NLRP11: variants seen among roughly 807,000 people sequenced by gnomAD.
The protein encoded by NLRP11 is NACHT, LRR and PYD domains-containing protein 11.
NLRP11 carries 53 observed loss-of-function variants against 79.3 expected under a neutral mutation model. The ratio of observed to expected loss-of-function variants is 0.67; its 90% CI spans 0.54 to 0.84. NLRP11 has a LOEUF of 0.84. NLRP11 is among the 40% of genes least tolerant of loss of function. The pLI, the probability that NLRP11 is intolerant of heterozygous loss-of-function variation, is 0.00. For synonymous variants in NLRP11, 518 were observed against 462.6 expected, an observed-to-expected ratio of 1.12 and a Z score of -1.54; for missense variants, 1,264 against 1,255.0, an observed-to-expected ratio of 1.01 and a Z score of -0.11.
At chr19:55,790,594 A>G (rs1990177122) in intron 7 of NLRP11, among the ~76,000 whole-genome samples, 1 of 152,202 alleles carries the variant, frequency 6.6e-6, no homozygotes, top group Non-Finnish European at 1.5e-5. Context: ...CACTTAACAT[A>G]TATTCTTTGT....
At chr19:55,805,555 C>T (rs1017657821) in intron 4 of NLRP11, among the ~76,000 whole-genome samples, 2 of 150,456 alleles carry the variant, frequency 1.3e-5, no homozygotes, top group Non-Finnish European at 3.0e-5. Flanking sequence ...TTTTTAAATA[C>T]ACACAATGGA....
rs1981324107 is a variant in NLRP11, at chr19:55,818,088, A to C, written c.87T>G (p.Tyr29Ter). The stretch of plus-strand genomic sequence containing the variant: ...TGAAATCAAGAATCTTGCGTGCCAG[A>C]TACTTCTTAAAACTCTGAAATTCCT... Residue 29 changes from tyrosine to a stop codon, truncating the protein, a stop_gained, in exon 2 of 10, where the codon TAT becomes TAG. Transcript: ENST00000589093. LOFTEE classifies it high-confidence loss of function. The C allele has an allele frequency of 1.2e-6, 2 of 1,614,002 alleles. No individual in the cohort carries two copies. The highest frequency in any genetic ancestry group is 2.7e-5 in the African/African-American group (2 of 74,934).
upstream of NLRP11, chr19:55,832,217 G>T (rs1363813227): frequency 6.6e-6 from 1 of 152,220 alleles, no homozygotes; most frequent in African/African-American, 2.4e-5. Context: ...CCCCGTTTAT[G>T]ATGTTGGAGC....
At chr19:55,794,991 G>A (rs931848498) in intron 6 of NLRP11, among the ~76,000 whole-genome samples, 3 of 152,130 alleles carry the variant, frequency 2.0e-5, no homozygotes, top group Non-Finnish European at 4.4e-5. Context: ...ATGACCTACT[G>A]CATTCTTTTG....
chr19:55,789,001 G>A, intron 8 of NLRP11, 24 bp from the exon 9 acceptor site: 1 of 1,612,848 alleles, frequency 6.2e-7, no homozygotes, highest in Non-Finnish European at 8.5e-7. Context: ...GCACAGGTAA[G>A]GTGGGGCCAA....
intron 1 of NLRP11, among the ~76,000 whole-genome samples, chr19:55,823,168 G>T (rs558717524): frequency 7.5e-5 from 11 of 145,854 alleles, no homozygotes; most frequent in South Asian, 2.2e-4. Flanking sequence ...CACCTCACAC[G>T]GCAGGGTATT....
At chr19:55,821,205 T>A (rs2086096) in intron 1 of NLRP11, among the ~76,000 whole-genome samples, 34,395 of 83,374 alleles carry the variant, frequency 0.41, 5,166 homozygotes, top group East Asian at 0.54. Flanking sequence ...TCTCTCTCTC[T>A]CACACACACA....
At chr19:55,794,862 A>T (rs1480043614) in intron 6 of NLRP11, among the ~76,000 whole-genome samples, 2 of 151,940 alleles carry the variant, frequency 1.3e-5, no homozygotes, top group Non-Finnish European at 2.9e-5. Flanking sequence ...TTTACAGAAA[A>T]TATAAAGAAT....
chr19:55,796,523 C>T (rs765527827), intron 5 of NLRP11, among the ~76,000 whole-genome samples: 3 of 152,038 alleles, frequency 2.0e-5, no homozygotes, highest in Non-Finnish European at 4.4e-5. Flanking sequence ...TGGTTCAGAA[C>T]GGTAAGTCAG....
rs189104925 is a variant in NLRP11 at position 55,817,401 on chromosome 19, A to C, written c.271+503T>G. On this transcript the variant is annotated intron_variant, in intron 2 of 9. Transcript: ENST00000589093. The stretch of plus-strand genomic sequence containing the variant: ...TTATAGTGGCACAATTCGCAATTGC[A>C]AAAATATGGAACCAGCCCAAATGCC... Among the ~76,000 whole-genome samples, 36 of 152,300 alleles carry C rather than the reference A, an allele frequency of 2.4e-4. No homozygotes were observed. In the East Asian group the frequency reaches 6.9e-3, roughly 29 times the overall value.
chr19:55,816,902 C>T (rs1981173274), intron 2 of NLRP11, among the ~76,000 whole-genome samples: 1 of 152,160 alleles, frequency 6.6e-6, no homozygotes. Flanking sequence ...TATCCCTGGT[C>T]CTCATGTGAT....
chr19:55,792,054 G>A (rs542389905), intron 7 of NLRP11, among the ~76,000 whole-genome samples: 1 of 152,196 alleles, frequency 6.6e-6, no homozygotes, highest in African/African-American at 2.4e-5. Flanking sequence ...GGAGGGGTCC[G>A]GCCCAGGCAC....
chr19:55,810,105 T>A, exon 3 of NLRP11: 1 of 1,614,156 alleles, frequency 6.2e-7, no homozygotes, highest in Non-Finnish European at 8.5e-7. Context: ...TTGATCCACC[T>A]CAACACAGCC....
In NLRP11 at chr19:55,785,821, A is replaced by G. The variant is rs748337702; in HGVS notation, c.2906T>C (p.Val969Ala). The G allele has an allele frequency of 4.3e-6, 7 of 1,613,966 alleles. No individual in the cohort carries two copies. The South Asian group carries it at 4.4e-5, about 10-fold the overall frequency. Reference sequence around the variant, plus strand: ...GATCAAACTGGGTTTTCTTTCCTTTACAGTCATCAGCAACTGCTGGGTTTG... The same window carrying G: ...GATCAAACTGGGTTTTCTTTCCTTTGCAGTCATCAGCAACTGCTGGGTTTG... Residue 969 changes from valine (V) to alanine (A), a missense_variant, in exon 10 of 10, where the codon GTA (valine) becomes GCA (alanine). Physicochemically the swap from Val to Ala is moderately conservative, Grantham distance 64 (BLOSUM62 0). Transcript: ENST00000589093.
chr19:55,829,392 G>T (rs202136291), intron 1 of NLRP11, among the ~76,000 whole-genome samples: 20,522 of 151,892 alleles, frequency 0.14, 1,727 homozygotes, highest in East Asian at 0.23. Flanking sequence ...AGGCTGGGCA[G>T]GGTGGCTCAT....
At chr19:55,799,659 T>C (rs1374567968) in intron 5 of NLRP11, among the ~76,000 whole-genome samples, 1 of 151,798 alleles carries the variant, frequency 6.6e-6, no homozygotes, top group Non-Finnish European at 1.5e-5. Context: ...CTGAGTGAGG[T>C]GGAAGGCAAT....
At chr19:55,829,114 T>C (rs1278814824) in intron 1 of NLRP11, among the ~76,000 whole-genome samples, 2 of 152,018 alleles carry the variant, frequency 1.3e-5, no homozygotes, top group Non-Finnish European at 2.9e-5. Flanking sequence ...GGGTATGAAA[T>C]GTTGGTGTAA....
rs765085000 is a variant in NLRP11, at chr19:55,809,063, G to C, written c.1547C>G (p.Pro516Arg). ...GTACCACTTGAAGCTGTCTACCATC[G>C]GTAGCTGGTATCCAAAGGATGTCTC... The change falls in exon 3 of 10, where the codon CCG (proline) becomes CGG (arginine). Residue 516 changes from proline (P) to arginine (R), a missense_variant. Pro to Arg is a moderately radical substitution (Grantham distance 103). Coordinates refer to ENST00000589093, the Ensembl canonical transcript of NLRP11. This position sits in a 1 kb window ranked among gnomAD's most constrained non-coding sequence, Gnocchi z 4.5. 6.2e-7 allele frequency: 1 copy of C among 1,613,266 alleles called. No homozygotes were observed. The highest frequency in any genetic ancestry group is 1.3e-5 in the African/African-American group (1 of 74,808).
intron 8 of NLRP11, 110 bp from the exon 9 acceptor site, chr19:55,789,087 G>A: frequency 7.1e-7 from 1 of 1,416,976 alleles, no homozygotes; most frequent in Non-Finnish European, 9.8e-7. Flanking sequence ...TTGGGCAAAA[G>A]AACTGACTGT....
Sources: gnomAD v4.1 joint callset for allele counts (sites outside exome capture counted in the v4.1 genomes callset) on GRCh38, gnomAD v4.1.1 for gene constraint, Gnocchi (gnomAD v3.1) non-coding constraint, MANE v1.5 for transcripts, NCBI Gene and HGNC (gene_info 2026-07-23, HGNC 2026-07-21) for gene names.